The following FBXW7 variants were observed in gnomAD, a reference collection of about 807,000 sequenced individuals.
FBXW7 encodes F-box/WD repeat-containing protein 7.
FBXW7 carries 11 observed loss-of-function variants against 86.3 expected under a neutral mutation model. The observed-to-expected ratio is 0.13, with a 90% CI of 0.08 to 0.21. The LOEUF is 0.21. Among genes scored for constraint, FBXW7 ranks in the 10% least tolerant of loss-of-function variants. The probability of loss-of-function intolerance (pLI) is 1.00; values close to 1 mark genes in which losing one functional copy is unlikely to be tolerated. For missense variants in FBXW7, 488 were observed against 847.4 expected (o/e 0.58, Z 5.27); for synonymous variants, 313 against 297.9 (o/e 1.05, Z -0.52).
At chr4:152,343,657 A>ACC (rs1033284226) in intron 6 of FBXW7, among the ~76,000 whole-genome samples, 48 of 152,252 alleles carry the variant, frequency 3.2e-4, no homozygotes, top group African/African-American at 1.1e-3. Flanking sequence ...TAATGTCTTT[A>ACC]CCCAGTCTGA....
chr4:152,421,676 AT>A (rs1738948923), intron 2 of FBXW7, among the ~76,000 whole-genome samples: 1 of 152,164 alleles, frequency 6.6e-6, no homozygotes, highest in South Asian at 2.1e-4. Flanking sequence ...CTAGCTTTTG[AT>A]TTAAAATGAG....
At chr4:152,431,446 A>G (rs1739882541) in intron 2 of FBXW7, among the ~76,000 whole-genome samples, 1 of 152,232 alleles carries the variant, frequency 6.6e-6, no homozygotes, top group South Asian at 2.1e-4. Context: ...AAGGGTTTAA[A>G]GCACAGGGGA....
chr4:152,353,012 C>T (rs1212502834), intron 4 of FBXW7: 15 of 1,221,128 alleles, frequency 1.2e-5, no homozygotes, highest in Middle Eastern at 3.2e-4. Flanking sequence ...CGCCCCCACA[C>T]GACAGCCCCC....
chr4:152,424,089 A>G (rs528082714), intron 2 of FBXW7, among the ~76,000 whole-genome samples: 28 of 151,362 alleles, frequency 1.8e-4, no homozygotes, highest in African/African-American at 6.8e-4. Flanking sequence ...CCAGGCTTGA[A>G]CTCCTGAGTT....
At chr4:152,436,241 AT>A (rs1740370127) in intron 2 of FBXW7, among the ~76,000 whole-genome samples, 1 of 152,226 alleles carries the variant, frequency 6.6e-6, no homozygotes, top group Admixed American at 6.5e-5. Context: ...CTTATTGTTG[AT>A]ATGGAAAAAG....
intron 2 of FBXW7, among the ~76,000 whole-genome samples, chr4:152,477,951 CAT>C (rs1474821543): frequency 3.3e-5 from 5 of 151,998 alleles, no homozygotes; most frequent in South Asian, 2.1e-4. Flanking sequence ...TTTCAAAATG[CAT>C]ATAATTTTTA....
At chr4:152,529,351 T>C (rs1398341813) in intron 2 of FBXW7, among the ~76,000 whole-genome samples, 2 of 152,166 alleles carry the variant, frequency 1.3e-5, no homozygotes, top group East Asian at 3.8e-4. Context: ...TATATACTCT[T>C]TTTTTAAAAG....
chr4:152,351,086 G>A (rs1166880239), intron 4 of FBXW7, among the ~76,000 whole-genome samples: 1 of 152,010 alleles, frequency 6.6e-6, no homozygotes, highest in South Asian at 2.1e-4. Context: ...CTGTATTACT[G>A]CAAGTTATAG....
intron 11 of FBXW7, among the ~76,000 whole-genome samples, chr4:152,327,110 C>T (rs1463989551): frequency 1.3e-5 from 2 of 151,854 alleles, no homozygotes; most frequent in African/African-American, 2.4e-5. Context: ...AAAGAAATAC[C>T]ACAGTTTCCA....
chr4:152,510,759 T>C (rs188668043), intron 2 of FBXW7, among the ~76,000 whole-genome samples: 98 of 152,358 alleles, frequency 6.4e-4, no homozygotes, highest in African/African-American at 2.3e-3. Flanking sequence ...GTCAGTCTAT[T>C]GAATAAGGCT....
At position 152,411,523 on chromosome 4, in the gene FBXW7, T is replaced by G. The variant is rs977637174; in HGVS notation, c.281A>C (p.Asn94Thr). ...TTCATCTTCCTCTTGTTCTTCTTGG[T>G]TTCCTGAGGAGTCCTCATCTACCGA... ...FISVDEDSSG[N>T]QEEQEEDEEH... Residue 94 changes from asparagine (N) to threonine (T), a missense_variant, in exon 4 of 14, where the codon AAC (asparagine) becomes ACC (threonine). This residue lies in a region of FBXW7 where 230 missense variants were observed against 240.0 expected (regional missense o/e 0.96). Transcript: ENST00000281708. 2 of 1,613,786 alleles carry G rather than the reference T, an allele frequency of 1.2e-6. No homozygotes were observed. Among genetic ancestry groups the G allele is most frequent in the Non-Finnish European group, 1.7e-6 (2 of 1,179,906 alleles).
chr4:152,508,679 AGC>A (rs1747670021), intron 2 of FBXW7, among the ~76,000 whole-genome samples: 1 of 146,238 alleles, frequency 6.8e-6, no homozygotes. Context: ...AAAAAAAAAC[AGC>A]AAGGAAGTTA....
At chr4:152,432,069 G>T (rs957755485) in intron 2 of FBXW7, among the ~76,000 whole-genome samples, 1 of 152,130 alleles carries the variant, frequency 6.6e-6, no homozygotes, top group Admixed American at 6.5e-5. Context: ...TAGGGTAGTG[G>T]TCTCAAATGT....
At chr4:152,348,667 G>GTAAT (rs1178440642) in intron 5 of FBXW7, 1 of 1,039,972 alleles carries the variant, frequency 9.6e-7, no homozygotes, top group South Asian at 1.5e-5. Context: ...AGTGAACAAT[G>GTAAT]TAATACCTTT....
In FBXW7 at chr4:152,350,192, G is replaced by A. The variant is rs1210071557; in HGVS notation, c.502-68C>T. The A allele has an allele frequency of 3.7e-6, 3 of 816,842 alleles. No homozygotes were observed. In the Admixed American group the frequency reaches 9.0e-5, roughly 25 times the overall value. 50.6% of individuals were successfully genotyped at this position (816,842 alleles called of 1,614,324 possible). A position where few individuals can be genotyped will look rare whatever the true frequency, so the allele number is the denominator to read the frequency against. On this transcript the variant is annotated intron_variant, in intron 4 of 13. Coordinates refer to ENST00000281708, the MANE Select transcript of FBXW7 (RefSeq NM_001349798.2). ...TAACTATCAAATCTTGAGTCAGCAT[G>A]GTTAATATTTTAAATTCTTAAATTT...
At chr4:152,420,697 G>T (rs186385465) in intron 2 of FBXW7, among the ~76,000 whole-genome samples, 1 of 152,158 alleles carries the variant, frequency 6.6e-6, no homozygotes, top group Non-Finnish European at 1.5e-5. Flanking sequence ...GGGTTACCAG[G>T]TGCATTGTCA....
intron 4 of FBXW7, among the ~76,000 whole-genome samples, chr4:152,363,420 T>A (rs1398337884): frequency 6.6e-6 from 1 of 152,110 alleles, no homozygotes; most frequent in African/African-American, 2.4e-5. Flanking sequence ...GGCAAGTCAA[T>A]AAAAAATGAC....
intron 2 of FBXW7, among the ~76,000 whole-genome samples, chr4:152,447,988 G>A (rs116597587): frequency 2.1e-3 from 317 of 152,266 alleles, no homozygotes; most frequent in Non-Finnish European, 4.0e-3. Context: ...ACTATGAATT[G>A]ATGAATGAAA....
At chr4:152,497,089 A>C (rs531394961) in intron 2 of FBXW7, among the ~76,000 whole-genome samples, 1 of 152,232 alleles carries the variant, frequency 6.6e-6, no homozygotes, top group African/African-American at 2.4e-5. Context: ...CTGGGAGGCC[A>C]AGGCGGGCAG....
Sources: allele counts gnomAD v4.1 joint callset (sites outside exome capture counted in the v4.1 genomes callset), GRCh38; gene constraint gnomAD v4.1.1; regional missense constraint gnomAD v4.1.1; transcripts MANE v1.5; gene names NCBI Gene and HGNC (gene_info 2026-07-23, HGNC 2026-07-21).